Variants in OLFM3 observed in about 807,000 individuals in gnomAD.
OLFM3 encodes the protein noelin-3.
Under a neutral mutation model 48.6 loss-of-function variants are expected in OLFM3, and 20 were observed. That is an observed-to-expected ratio of 0.41 (90% confidence interval 0.29 to 0.60). OLFM3 has a LOEUF of 0.60. Ranked by LOEUF, OLFM3 falls within the 20% of genes least tolerant of loss-of-function variation. The probability of loss-of-function intolerance (pLI) is 0.28; values close to 1 mark genes in which losing one functional copy is unlikely to be tolerated. For synonymous variants in OLFM3, 222 were observed against 198.1 expected (o/e 1.12, Z -1.01); for missense variants, 437 against 544.3 (o/e 0.80, Z 1.96).
At position 101,867,143 on chromosome 1, in the gene OLFM3, T is replaced by G. The variant is rs184556339; in HGVS notation, c.70-30118A>C. 1.3e-5 allele frequency among the ~76,000 whole-genome samples: 2 copies of G among 152,318 alleles called. 1 individual carries two copies. The highest frequency in any genetic ancestry group is 2.9e-5 in the Non-Finnish European group (2 of 68,024). ...GTCAATTTGCATTGCTATACTTATT[T>G]TAATGATGAGTAATTGGTGTGGCCA... On this transcript the variant is annotated intron_variant, in intron 1 of 5. Coordinates refer to ENST00000370103, the MANE Select transcript of OLFM3 (RefSeq NM_058170.4).
chr1:101,941,541 A>T (rs1473707666), intron 1 of OLFM3, among the ~76,000 whole-genome samples: 1 of 152,174 alleles, frequency 6.6e-6, no homozygotes, highest in Non-Finnish European at 1.5e-5. Context: ...GTACAATTTT[A>T]AGTTATTTCT....
rs750446688 is a variant in OLFM3, at chr1:101,996,640, T to C, written c.69+108A>G. On this transcript the variant is annotated intron_variant, in intron 1 of 5. Coordinates refer to ENST00000370103, the MANE Select transcript of OLFM3 (RefSeq NM_058170.4). ...GATACGCCAGACACCATAAGGTAGC[T>C]GAAAGAGCTGTCTCTCGTCCCGTTT... The C allele has an allele frequency of 1.3e-5, 15 of 1,121,378 alleles. No individual in the cohort carries two copies. The Admixed American group carries it at 2.5e-4, about 19-fold the overall frequency. The allele number at this position is 1,121,378 out of a possible 1,614,324, so 69.5% of individuals were successfully genotyped here. A position where few individuals can be genotyped will look rare whatever the true frequency, so the allele number is the denominator to read the frequency against.
At chr1:101,937,266 C>T (rs904140828) in intron 1 of OLFM3, among the ~76,000 whole-genome samples, 2 of 152,182 alleles carry the variant, frequency 1.3e-5, no homozygotes, top group Non-Finnish European at 2.9e-5. Context: ...TACCGGTCTG[C>T]TCCTGTATCC....
intron 1 of OLFM3, among the ~76,000 whole-genome samples, chr1:101,965,011 T>G (rs557239742): frequency 1.3e-5 from 2 of 152,294 alleles, no homozygotes; most frequent in Non-Finnish European, 2.9e-5. Flanking sequence ...ATGTTCTGGC[T>G]TAAAGAGGGA....
At position 101,804,194 on chromosome 1, in the gene OLFM3, C is replaced by T; in HGVS notation, c.*44G>A. 1 of 1,433,162 alleles carries T rather than the reference C, an allele frequency of 7.0e-7. No homozygotes were observed. The highest frequency in any genetic ancestry group is 9.4e-7 in the Non-Finnish European group (1 of 1,063,206). 88.8% of individuals were successfully genotyped at this position (1,433,162 alleles called of 1,614,324 possible). A position where few individuals can be genotyped will look rare whatever the true frequency, so the allele number is the denominator to read the frequency against. Reference sequence around the variant, plus strand: ...ACGGAAGGGGTCTTATAGAGTTTATCACAAATCACACTGTTTAAATCAATG... The same window carrying T: ...ACGGAAGGGGTCTTATAGAGTTTATTACAAATCACACTGTTTAAATCAATG... On this transcript the variant is annotated 3_prime_UTR_variant, in exon 6 of 6. Transcript: ENST00000370103. The surrounding 1 kb of genome is among the most constrained non-coding windows in gnomAD (Gnocchi z 4.5).
chr1:101,810,235 A>C (rs1653984305), intron 4 of OLFM3, among the ~76,000 whole-genome samples: 1 of 151,984 alleles, frequency 6.6e-6, no homozygotes, highest in African/African-American at 2.4e-5. Context: ...TATTAGGAGG[A>C]AACATGAAAG....
intron 1 of OLFM3, among the ~76,000 whole-genome samples, chr1:101,888,914 C>A (rs948767177): frequency 5.3e-5 from 8 of 152,230 alleles, no homozygotes; most frequent in African/African-American, 1.9e-4. Context: ...CTCATCATCA[C>A]TGGCCATCAA....
At chr1:101,977,581 G>T (rs1036156191) in intron 1 of OLFM3, among the ~76,000 whole-genome samples, 8 of 152,070 alleles carry the variant, frequency 5.3e-5, no homozygotes, top group African/African-American at 1.2e-4. Context: ...TTATGCAAAA[G>T]AATTTTTAAT....
At chr1:101,953,183 CT>C (rs763300075) in intron 1 of OLFM3, among the ~76,000 whole-genome samples, 1 of 152,042 alleles carries the variant, frequency 6.6e-6, no homozygotes, top group African/African-American at 2.4e-5. Context: ...TGATTCTCAA[CT>C]TTTTATTGTG....
chr1:101,991,843 A>G (rs1661421685), intron 1 of OLFM3, among the ~76,000 whole-genome samples: 1 of 151,586 alleles, frequency 6.6e-6, no homozygotes, highest in Admixed American at 6.6e-5. Flanking sequence ...GAAAGTAGAA[A>G]ATTGAAAGCT....
At chr1:101,938,437 A>T (rs1659689284) in intron 1 of OLFM3, among the ~76,000 whole-genome samples, 1 of 152,198 alleles carries the variant, frequency 6.6e-6, no homozygotes, top group East Asian at 1.9e-4. Flanking sequence ...GAGACCATGA[A>T]CACATTCTCC....
intron 1 of OLFM3, among the ~76,000 whole-genome samples, chr1:101,951,664 A>C (rs1277704159): frequency 6.6e-6 from 1 of 152,180 alleles, no homozygotes; most frequent in Non-Finnish European, 1.5e-5. Context: ...TCAAGATTTC[A>C]AAGGTGTCAT....
rs185900290 is a variant in OLFM3, at chr1:101,933,019, C to T, written c.69+63729G>A. On this transcript the variant is annotated intron_variant, in intron 1 of 5. Transcript: ENST00000370103. ...GAGATTGAGACCATCCCGGCTAACA[C>T]GATGAAACCCATCTCTACTAAAAAT... is the stretch of plus-strand genomic sequence containing the variant. 4.1e-3 allele frequency among the ~76,000 whole-genome samples: 629 copies of T among 151,800 alleles called. 5 individuals carry two copies. Among genetic ancestry groups the T allele is most frequent in the African/African-American group, 0.014 (567 of 41,402 alleles).
chr1:101,836,917 C>T lies in OLFM3; in HGVS notation c.178G>A (p.Asp60Asn), dbSNP rs748056964. 9 of 1,614,132 alleles carry T rather than the reference C, an allele frequency of 5.6e-6. No homozygotes were observed. Among genetic ancestry groups the T allele is most frequent in the South Asian group, 1.1e-5 (1 of 91,080 alleles). ...VAPEQNLCSR[D>N]AKSRQLRQLL... is the part of the protein sequence containing the mutation. ...TGGCGAAGTTGCCTGCTTTTGGCAT[C>T]CCGGGAACACAGGTTTTGTTCTGGA... The change falls in exon 2 of 6, where the codon GAT (aspartate) becomes AAT (asparagine). Residue 60 changes from aspartate (D) to asparagine (N), a missense_variant. Asp to Asn is a conservative substitution (Grantham distance 23, BLOSUM62 1). Around this residue, in one of 3 missense-constraint regions of OLFM3, gnomAD observed 314 missense variants for 365.5 expected, o/e 0.86. Transcript: ENST00000370103.
chr1:101,911,833 A>G (rs957074804), intron 1 of OLFM3, among the ~76,000 whole-genome samples: 1 of 152,216 alleles, frequency 6.6e-6, no homozygotes, highest in Admixed American at 6.5e-5. Context: ...TCTTCACACT[A>G]CCTTAAACTT....
intron 4 of OLFM3, among the ~76,000 whole-genome samples, chr1:101,820,520 G>C (rs1040439457): frequency 7.2e-5 from 11 of 151,944 alleles, no homozygotes; most frequent in Non-Finnish European, 1.5e-5. Context: ...TCTTTCATTG[G>C]AGTACATTAA....
intron 1 of OLFM3, among the ~76,000 whole-genome samples, chr1:101,907,101 G>A (rs1198924601): frequency 6.6e-6 from 1 of 152,110 alleles, no homozygotes; most frequent in Non-Finnish European, 1.5e-5. Flanking sequence ...TATATGACAT[G>A]TGCTCTTAGA....
intron 1 of OLFM3, among the ~76,000 whole-genome samples, chr1:101,982,786 C>G (rs1557756759): frequency 6.6e-6 from 1 of 152,086 alleles, no homozygotes; most frequent in Non-Finnish European, 1.5e-5. Flanking sequence ...AATACCTGAC[C>G]AGAACTATAC....
intron 1 of OLFM3, among the ~76,000 whole-genome samples, chr1:101,966,317 T>TTGTGTG (rs60173488): frequency 0.01 from 1,333 of 128,126 alleles, 8 homozygotes; most frequent in African/African-American, 0.014. Context: ...CCTGGCTAAT[T>TTGTGTG]TGTGTGTGTG....
Sources: gnomAD v4.1 joint callset for allele counts (sites outside exome capture counted in the v4.1 genomes callset) on GRCh38, gnomAD v4.1.1 for gene constraint, gnomAD v4.1.1 regional missense constraint, Gnocchi (gnomAD v3.1) non-coding constraint, MANE v1.5 for transcripts, NCBI Gene and HGNC (gene_info 2026-07-23, HGNC 2026-07-21) for gene names.